STK10: variants seen among roughly 807,000 people sequenced by gnomAD.
STK10 encodes the protein serine/threonine kinase 10.
A neutral mutation model predicts 113.8 loss-of-function variants in STK10; 78 were observed. The observed-to-expected ratio is 0.69, with a 90% confidence interval of 0.57 to 0.83. The LOEUF is 0.83. STK10 is among the 40% of genes least tolerant of loss of function. The pLI, the probability that STK10 is intolerant of heterozygous loss-of-function variation, is 0.00. For missense variants in STK10, 1,109 were observed against 1,280.1 expected (o/e 0.87, Z 2.04); for synonymous variants, 465 against 494.7 (o/e 0.94, Z 0.80).
intron 2 of STK10, among the ~76,000 whole-genome samples, chr5:172,148,025 C>A (rs73329606): frequency 1.3e-5 from 2 of 152,094 alleles, no homozygotes; most frequent in Non-Finnish European, 2.9e-5. Context: ...ATGAGCAACA[C>A]GCCTGTCCTG....
At position 172,045,007 on chromosome 5, in the gene STK10, G is replaced by T. The variant is rs1325264172; in HGVS notation, c.2782C>A (p.Leu928Met). The change falls in exon 19 of 19, where the codon CTG (leucine) becomes ATG (methionine). Residue 928 changes from leucine to methionine, a missense_variant. By Grantham distance (15) the Leu-to-Met change is conservative. This residue lies in a region of STK10 where 885 missense variants were observed against 991.1 expected (regional missense o/e 0.89). Transcript: ENST00000176763. ...TCCTGCTCCCGCTTCTTCTGGTTCA[G>T]ATCCTCTTCCAGAGCCTAGGGAAGA... Reference protein sequence around the residue: ...RPRKKALEEDLNQKKREQEMF... With the variant: ...RPRKKALEEDMNQKKREQEMF... The T allele has an allele frequency of 6.2e-7, 1 of 1,614,170 alleles. No individual in the cohort carries two copies. Among genetic ancestry groups the T allele is most frequent in the Admixed American group, 1.7e-5 (1 of 60,018 alleles).
intron 12 of STK10, among the ~76,000 whole-genome samples, chr5:172,071,073 G>A (rs1022288020): frequency 1.3e-5 from 2 of 151,508 alleles, no homozygotes; most frequent in African/African-American, 4.9e-5. Flanking sequence ...AGCCGGGTGT[G>A]GTGGCACGCA....
intron 13 of STK10, 103 bp downstream of exon 13, chr5:172,064,617 G>A (rs1768025009): frequency 4.2e-6 from 5 of 1,197,622 alleles, no homozygotes; most frequent in Admixed American, 3.5e-5. Flanking sequence ...TCAGAACGGG[G>A]TATTTGAGGG....
rs1431920018 is a variant in STK10, at chr5:172,082,056, G to C, written c.1989+270C>G. Among the ~76,000 whole-genome samples, 1 of 152,178 alleles carries C rather than the reference G, an allele frequency of 6.6e-6. No homozygotes were observed. Among genetic ancestry groups the C allele is most frequent in the East Asian group, 1.9e-4 (1 of 5,194 alleles). ...TCCCCGCTCTTTCTCGGCAGGGGTTGCTAAGCTGGGAGGATGTAAAGGAAG... is the reference window on the plus strand; with the variant it reads ...TCCCCGCTCTTTCTCGGCAGGGGTTCCTAAGCTGGGAGGATGTAAAGGAAG... On this transcript the variant is annotated intron_variant, in intron 12 of 18. Transcript: ENST00000176763. The surrounding 1 kb of genome is among the most constrained non-coding windows in gnomAD (Gnocchi z 4.3).
intron 10 of STK10, among the ~76,000 whole-genome samples, chr5:172,088,566 C>A (rs1768621849): frequency 6.6e-6 from 1 of 152,156 alleles, no homozygotes. Context: ...TTTTAATTCA[C>A]ATGTATAAAA....
At chr5:172,109,134 G>A (rs905120568) in intron 4 of STK10, among the ~76,000 whole-genome samples, 5 of 151,990 alleles carry the variant, frequency 3.3e-5, no homozygotes, top group Non-Finnish European at 5.9e-5. Context: ...GGGAGAAGGG[G>A]GATACACAGT....
In STK10 at chr5:172,182,314, A is replaced by G. The variant is rs1770871692; in HGVS notation, c.156+5573T>C. On this transcript the variant is annotated intron_variant, in intron 1 of 18. Transcript: ENST00000176763. Reference sequence around the variant, plus strand: ...CTAGACTCTGTCTCAGAGGGAAAAAAAAAAAAAAAAAAAGGCTTAAAAACA... The same window carrying G: ...CTAGACTCTGTCTCAGAGGGAAAAAGAAAAAAAAAAAAAGGCTTAAAAACA... 4.6e-5 allele frequency among the ~76,000 whole-genome samples: 7 copies of G among 151,202 alleles called. 1 individual carries two copies. In the South Asian group the frequency reaches 1.5e-3, roughly 32 times the overall value.
intron 9 of STK10, among the ~76,000 whole-genome samples, chr5:172,091,025 T>C (rs935741878): frequency 1.3e-5 from 2 of 151,422 alleles, no homozygotes; most frequent in African/African-American, 4.9e-5. Flanking sequence ...GCCAGCCTCT[T>C]GTCCTGTCTG....
intron 18 of STK10, among the ~76,000 whole-genome samples, chr5:172,047,924 AC>A (rs1476722296): frequency 6.4e-4 from 68 of 107,014 alleles, no homozygotes; most frequent in Non-Finnish European, 9.8e-4. Context: ...TTTTTTTGAG[AC>A]GGAGTCTTGC....
chr5:172,060,795 G>T (rs1767915371), intron 14 of STK10, among the ~76,000 whole-genome samples: 1 of 152,218 alleles, frequency 6.6e-6, no homozygotes, highest in African/African-American at 2.4e-5. Context: ...GATAAAGGTA[G>T]AAAAATGGAC....
chr5:172,084,357 G>A (rs970609875), intron 10 of STK10, among the ~76,000 whole-genome samples: 6 of 151,836 alleles, frequency 4.0e-5, no homozygotes, highest in East Asian at 1.9e-4. Flanking sequence ...CCGAGATAGC[G>A]CCACTGCACT....
chr5:172,126,424 C>T (rs1032149122), intron 3 of STK10, among the ~76,000 whole-genome samples: 2 of 152,084 alleles, frequency 1.3e-5, no homozygotes, highest in East Asian at 1.9e-4. Flanking sequence ...ATTAGCCGGG[C>T]ATGGTCGTGG....
chr5:172,049,929 A>G (rs970081335), intron 18 of STK10, among the ~76,000 whole-genome samples: 1 of 152,108 alleles, frequency 6.6e-6, no homozygotes, highest in East Asian at 1.9e-4. Context: ...CAGCCGCCCA[A>G]GTATCTGGGA....
chr5:172,086,944 T>C (rs1382467111), intron 10 of STK10, among the ~76,000 whole-genome samples: 1 of 152,194 alleles, frequency 6.6e-6, no homozygotes, highest in Non-Finnish European at 1.5e-5. Context: ...CTAGAATTTA[T>C]CCCTGAGAAC....
chr5:172,064,532 A>T, intron 13 of STK10, 188 bp downstream of exon 13: 1 of 622,334 alleles, frequency 1.6e-6, no homozygotes, highest in Non-Finnish European at 2.9e-6. Context: ...TTCCAGATGG[A>T]GGCAGGGCAA....
At chr5:172,084,705 C>T (rs1244317644) in intron 10 of STK10, among the ~76,000 whole-genome samples, 4 of 151,498 alleles carry the variant, frequency 2.6e-5, no homozygotes, top group African/African-American at 9.7e-5. Context: ...GGACCTTATA[C>T]AGGTAGAGTA....
intron 12 of STK10, among the ~76,000 whole-genome samples, chr5:172,071,913 C>T (rs1308246082): frequency 6.6e-6 from 1 of 152,162 alleles, no homozygotes; most frequent in Non-Finnish European, 1.5e-5. Flanking sequence ...AAGACAAGAA[C>T]CGAGGTATCA....
chr5:172,164,500 G>C (rs1037569911), intron 1 of STK10, among the ~76,000 whole-genome samples: 1 of 152,174 alleles, frequency 6.6e-6, no homozygotes, highest in Non-Finnish European at 1.5e-5. Context: ...GAGAGATGAA[G>C]TCACCGGCCC....
chr5:172,147,594 A>G (rs1460270171), intron 2 of STK10, among the ~76,000 whole-genome samples: 4 of 152,148 alleles, frequency 2.6e-5, no homozygotes, highest in Non-Finnish European at 5.9e-5. Context: ...GGGTTTCACC[A>G]TATTGGCCAG....
Sources: allele counts gnomAD v4.1 joint callset (sites outside exome capture counted in the v4.1 genomes callset), GRCh38; gene constraint gnomAD v4.1.1; regional missense constraint gnomAD v4.1.1; non-coding constraint Gnocchi (gnomAD v3.1); transcripts MANE v1.5; gene names NCBI Gene and HGNC (gene_info 2026-07-23, HGNC 2026-07-21).